The following CCDC85A variants were observed in gnomAD, a reference collection of about 807,000 sequenced individuals.
CCDC85A encodes coiled-coil domain containing 85A.
In CCDC85A, 38 loss-of-function variants were observed where a neutral mutation model predicts 50.2. The ratio of observed to expected loss-of-function variants is 0.76; its 90% CI spans 0.58 to 0.99. CCDC85A has a LOEUF of 0.99. Ranked by LOEUF, CCDC85A falls within the 50% of genes least tolerant of loss-of-function variation. The pLI is 0.00. For synonymous variants in CCDC85A, 366 were observed against 301.4 expected (o/e 1.21, Z -2.22); for missense variants, 820 against 742.0 (o/e 1.11, Z -1.22).
At chr2:56,347,531 C>T (rs139954596) in intron 3 of CCDC85A, among the ~76,000 whole-genome samples, 4 of 152,222 alleles carry the variant, frequency 2.6e-5, no homozygotes, top group South Asian at 2.1e-4. Flanking sequence ...TTTTTCTTAA[C>T]GCCATGGTAT....
At chr2:56,233,248 C>T (rs949496995) in intron 2 of CCDC85A, among the ~76,000 whole-genome samples, 7 of 151,830 alleles carry the variant, frequency 4.6e-5, no homozygotes, top group African/African-American at 1.2e-4. Context: ...TTGAGACTGA[C>T]AGGGTTAAGT....
At chr2:56,298,551 T>C (rs536822966) in intron 2 of CCDC85A, among the ~76,000 whole-genome samples, 4 of 152,294 alleles carry the variant, frequency 2.6e-5, no homozygotes, top group Admixed American at 2.0e-4. Context: ...AACTTTCTGT[T>C]GTATATGGTA....
Position 56,372,455 on chromosome 2 carries a change from G to C in CCDC85A, c.1429G>C (p.Gly477Arg). Residue 477 changes from glycine to arginine, a missense_variant, in exon 4 of 6, where the codon GGA becomes CGA. Physicochemically the swap from Gly to Arg is moderately radical, Grantham distance 125 (BLOSUM62 -2). Transcript: ENST00000407595. ...LQWWQGCRGI[G>R]RCLPTLPGSF... Reference sequence around the variant, plus strand: ...GTGGTGGCAAGGGTGCCGAGGAATAGGACGATGCCTGCCTACTCTCCCGGT... The same window carrying C: ...GTGGTGGCAAGGGTGCCGAGGAATACGACGATGCCTGCCTACTCTCCCGGT... 3 of 1,609,358 alleles carry C rather than the reference G, an allele frequency of 1.9e-6. No homozygotes were observed. Among genetic ancestry groups the C allele is most frequent in the Non-Finnish European group, 2.5e-6 (3 of 1,177,650 alleles).
chr2:56,194,194 T>C (rs1676437593), intron 2 of CCDC85A, among the ~76,000 whole-genome samples: 1 of 152,228 alleles, frequency 6.6e-6, no homozygotes, highest in South Asian at 2.1e-4. Flanking sequence ...TTTTAAAATG[T>C]ACAGATGTGT....
At chr2:56,190,601 A>G (rs1676253418) in intron 1 of CCDC85A, among the ~76,000 whole-genome samples, 1 of 152,204 alleles carries the variant, frequency 6.6e-6, no homozygotes, top group African/African-American at 2.4e-5. Context: ...GACTTATAAA[A>G]TGAGACCTGA....
At chr2:56,346,846 A>C (rs767233927) in intron 3 of CCDC85A, among the ~76,000 whole-genome samples, 3 of 152,234 alleles carry the variant, frequency 2.0e-5, no homozygotes, top group Non-Finnish European at 2.9e-5. Flanking sequence ...CTTACAGTAC[A>C]CATAATACAC....
At chr2:56,336,841 A>C (rs1674098470) in intron 2 of CCDC85A, among the ~76,000 whole-genome samples, 1 of 152,210 alleles carries the variant, frequency 6.6e-6, no homozygotes, top group Non-Finnish European at 1.5e-5. Flanking sequence ...AGGAAATATC[A>C]AGTTACTGTA....
intron 3 of CCDC85A, among the ~76,000 whole-genome samples, chr2:56,354,791 T>G (rs1005297906): frequency 6.6e-6 from 1 of 152,240 alleles, no homozygotes; most frequent in Admixed American, 6.5e-5. Flanking sequence ...TTCAATGGCT[T>G]GGTAAGTCTT....
intron 3 of CCDC85A, among the ~76,000 whole-genome samples, chr2:56,361,360 A>G (rs1359515296): frequency 1.3e-5 from 2 of 152,172 alleles, no homozygotes; most frequent in Non-Finnish European, 2.9e-5. Flanking sequence ...TTTTTTGAGC[A>G]TCTCTTATGT....
intron 2 of CCDC85A, among the ~76,000 whole-genome samples, chr2:56,201,218 T>G (rs898353082): frequency 5.9e-5 from 9 of 152,254 alleles, no homozygotes; most frequent in African/African-American, 1.9e-4. Context: ...TTTTTATACC[T>G]CCTTCACCTT....
chr2:56,300,374 C>T lies in CCDC85A; in HGVS notation c.1241-42505C>T, dbSNP rs139094517. 2.5e-3 allele frequency among the ~76,000 whole-genome samples: 376 copies of T among 152,276 alleles called. 2 individuals carry two copies. The highest frequency in any genetic ancestry group is 4.1e-3 in the Non-Finnish European group (280 of 68,038). ...GCTAAGAATAGATTTCAGATATAGG[C>T]TGTTAGCAAAGGCAATTTAATGCTG... On this transcript the variant is annotated intron_variant, in intron 2 of 5. Transcript: ENST00000407595.
chr2:56,338,083 CT>C (rs368512996), intron 2 of CCDC85A, among the ~76,000 whole-genome samples: 4 of 151,970 alleles, frequency 2.6e-5, no homozygotes, highest in African/African-American at 9.7e-5. Flanking sequence ...TAGCCAGCTC[CT>C]TTTTTAATGC....
At chr2:56,304,245 C>G (rs1672331795) in intron 2 of CCDC85A, among the ~76,000 whole-genome samples, 1 of 152,110 alleles carries the variant, frequency 6.6e-6, no homozygotes, top group Non-Finnish European at 1.5e-5. Flanking sequence ...GATATAGCAC[C>G]TGTTATTTGG....
intron 2 of CCDC85A, among the ~76,000 whole-genome samples, chr2:56,241,219 A>G (rs1018310983): frequency 1.3e-5 from 2 of 152,204 alleles, no homozygotes; most frequent in Admixed American, 1.3e-4. Flanking sequence ...TACATATGGC[A>G]TATGAGATAT....
At chr2:56,377,717 T>C (rs1470687340) in intron 5 of CCDC85A, among the ~76,000 whole-genome samples, 3 of 152,030 alleles carry the variant, frequency 2.0e-5, no homozygotes, top group Non-Finnish European at 4.4e-5. Flanking sequence ...TGAAACCCTG[T>C]CTCTACTAAA....
At position 56,320,105 on chromosome 2, in the gene CCDC85A, A is replaced by G. The variant is rs191646726; in HGVS notation, c.1241-22774A>G. Reference sequence around the variant, plus strand: ...TTGAAACCAATGAGAACAAAGACACAACATACCAGAATCTCTGGGACACAT... The same window carrying G: ...TTGAAACCAATGAGAACAAAGACACGACATACCAGAATCTCTGGGACACAT... On this transcript the variant is annotated intron_variant, in intron 2 of 5. Transcript: ENST00000407595. Among the ~76,000 whole-genome samples, 677 of 152,306 alleles carry G rather than the reference A, an allele frequency of 4.4e-3. 2 individuals carry two copies. The highest frequency in any genetic ancestry group is 8.0e-3 in the Non-Finnish European group (546 of 68,034).
intron 2 of CCDC85A, among the ~76,000 whole-genome samples, chr2:56,297,950 T>C (rs963837305): frequency 1.3e-5 from 2 of 152,188 alleles, no homozygotes; most frequent in African/African-American, 2.4e-5. Flanking sequence ...CACCATGATC[T>C]GCCATCAACA....
chr2:56,238,052 T>G (rs1301390229), intron 2 of CCDC85A, among the ~76,000 whole-genome samples: 1 of 152,172 alleles, frequency 6.6e-6, no homozygotes, highest in East Asian at 1.9e-4. Context: ...AACTCTAGAC[T>G]TGAATCCCTG....
intron 3 of CCDC85A, among the ~76,000 whole-genome samples, chr2:56,362,921 C>T (rs1028261391): frequency 5.3e-5 from 8 of 152,078 alleles, no homozygotes; most frequent in Middle Eastern, 3.2e-3. Flanking sequence ...TTGCTCCCGG[C>T]CCCATTTAGC....
Sources: gnomAD v4.1 joint callset for allele counts (sites outside exome capture counted in the v4.1 genomes callset) on GRCh38, gnomAD v4.1.1 for gene constraint, MANE v1.5 for transcripts, NCBI Gene and HGNC (gene_info 2026-07-23, HGNC 2026-07-21) for gene names.